The following ADGRG1 variants were observed in gnomAD, a reference collection of about 807,000 sequenced individuals.
ADGRG1 encodes adhesion G protein-coupled receptor G1.
Under a neutral mutation model 73.5 loss-of-function variants are expected in ADGRG1, and 53 were observed. The observed-to-expected ratio is 0.72, with a 90% CI of 0.58 to 0.91. The LOEUF (loss-of-function observed/expected upper bound fraction) is 0.91, where lower values mean the gene tolerates loss of function less well. Ranked by LOEUF, ADGRG1 falls within the 40% of genes least tolerant of loss-of-function variation. The pLI, the probability that ADGRG1 is intolerant of heterozygous loss-of-function variation, is 0.00. For synonymous variants in ADGRG1, 394 were observed against 374.4 expected (o/e 1.05, Z -0.60); for missense variants, 795 against 871.8 (o/e 0.91, Z 1.11).
intron 1 of ADGRG1, chr16:57,632,766 C>T (rs1597128787): frequency 1.0e-6 from 1 of 984,968 alleles, no homozygotes; most frequent in Non-Finnish European, 1.2e-6. Context: ...AAGCTCAGCC[C>T]CGGAGGAGCT....
chr16:57,633,141 T>C (rs2038439500), intron 1 of ADGRG1: 1 of 340,256 alleles, frequency 2.9e-6, no homozygotes, highest in African/African-American at 2.2e-5. Flanking sequence ...CTGGACCCGT[T>C]TCCCTGCCTG....
In ADGRG1 at chr16:57,660,385, G is replaced by A. The variant is rs145348746; in HGVS notation, c.1556-383G>A. On this transcript the variant is annotated intron_variant, in intron 11 of 13. Coordinates refer to ENST00000562631, the MANE Select transcript of ADGRG1 (RefSeq NM_201525.4). ...CTCTAGGGAGCTTCTAATCTCCACC[G>A]AACGGGCGAGGTCAAGGCCCAGTGC... is the stretch of plus-strand genomic sequence containing the variant. 43 of 984,988 alleles carry A rather than the reference G, an allele frequency of 4.4e-5. 1 individual carries two copies. The East Asian group carries it at 3.5e-3, about 81-fold the overall frequency. The allele number at this position is 984,988 out of a possible 1,614,324, so 61.0% of individuals were successfully genotyped here.
intron 1 of ADGRG1, chr16:57,635,285 C>T (rs562561087): frequency 1.0e-6 from 1 of 985,236 alleles, no homozygotes; most frequent in East Asian, 1.1e-4. Context: ...TTATCCTATG[C>T]CATGGCTGTC....
chr16:57,652,764 C>T (rs2044416362), intron 3 of ADGRG1: 1 of 1,055,458 alleles, frequency 9.5e-7, no homozygotes. Flanking sequence ...CTGGAGACAC[C>T]TTAGTCGGCC....
chr16:57,630,976 G>A (rs2037707542), intron 1 of ADGRG1: 2 of 985,788 alleles, frequency 2.0e-6, no homozygotes, highest in South Asian at 4.7e-5. Context: ...TCTGTGGGGG[G>A]GAAGAGAGGC....
chr16:57,663,452 G>T lies in ADGRG1; in HGVS notation c.1934G>T (p.Gly645Val), dbSNP rs771685769. ...GACCCCGTGCCCTCACTGCCCGCAG[G>T]CTTCCTCATCTTCATCTGGTACTGG... ...YLFSIITSFQ[G>V]FLIFIWYWSM... The change falls in exon 14 of 14, where the codon GGC becomes GTC. Residue 645 changes from glycine (G) to valine (V), a missense_variant and splice_region_variant. Gly to Val is a moderately radical substitution (Grantham distance 109, BLOSUM62 -3). Coordinates refer to ENST00000562631, the MANE Select transcript of ADGRG1 (RefSeq NM_201525.4). The T allele has an allele frequency of 6.2e-7, 1 of 1,613,978 alleles. No individual in the cohort carries two copies. The highest frequency in any genetic ancestry group is 8.5e-7 in the Non-Finnish European group (1 of 1,179,972).
chr16:57,651,866 G>A, intron 3 of ADGRG1: 3 of 1,434,508 alleles, frequency 2.1e-6, no homozygotes, highest in Non-Finnish European at 2.7e-6. Flanking sequence ...GCAGGCAGGG[G>A]TGAGGATGGA....
At chr16:57,662,880 G>A in intron 13 of ADGRG1, 2 of 975,354 alleles carry the variant, frequency 2.1e-6, no homozygotes, top group South Asian at 4.7e-5. Flanking sequence ...GCTCTCATGG[G>A]GTTCAAGGCC....
At chr16:57,657,587 ATGACCTGGAACTG>A (rs2046056722) in intron 10 of ADGRG1, 96 bp downstream of exon 10, 1 of 952,556 alleles carries the variant, frequency 1.0e-6, no homozygotes, top group Non-Finnish European at 1.7e-6. Context: ...GCCCGCCCGC[ATGACCTGGAACTG>A]TGTGTGTGGT....
upstream of ADGRG1, chr16:57,626,729 G>C: frequency 1.0e-6 from 1 of 985,426 alleles, no homozygotes; most frequent in Middle Eastern, 5.2e-4. Flanking sequence ...TGTGGTGGTG[G>C]TGGTGGGGGG....
chr16:57,628,115 C>A, upstream of ADGRG1: 6 of 967,114 alleles, frequency 6.2e-6, no homozygotes, highest in Non-Finnish European at 7.3e-6. Flanking sequence ...CCTGGCTGGC[C>A]TCCTGCCCGG....
At chr16:57,659,341 C>G (rs2148526642) in intron 10 of ADGRG1, 72 bp from the exon 11 acceptor site, 1 of 1,609,478 alleles carries the variant, frequency 6.2e-7, no homozygotes, top group East Asian at 2.2e-5. Flanking sequence ...GGAAGGCTTC[C>G]TGGAGGAGAT....
At position 57,653,213 on chromosome 16, in the gene ADGRG1, CACGGCCGCTCACA is replaced by C; in HGVS notation, c.500_512del (p.Thr167MetfsTer20). The C allele has an allele frequency of 6.2e-7, 1 of 1,609,476 alleles. No individual in the cohort carries two copies. Among genetic ancestry groups the C allele is most frequent in the Middle Eastern group, 1.7e-4 (1 of 6,042 alleles). ...CCACCCCTCCCCCAGGTCCTCCCCACACGGCCGCTCACAATGCCTCGGTGGACATGTGCGAGCT... is the reference window on the plus strand; with the variant it reads ...CCACCCCTCCCCCAGGTCCTCCCCACATGCCTCGGTGGACATGTGCGAGCT... On this transcript the variant is annotated frameshift_variant, in exon 4 of 14. Transcript: ENST00000562631. LOFTEE classifies it high-confidence loss of function.
chr16:57,644,228 G>A (rs996848928), intron 1 of ADGRG1: 3 of 976,724 alleles, frequency 3.1e-6, no homozygotes, highest in African/African-American at 1.8e-5. Context: ...ACGCACTCAT[G>A]CACACACACT....
chr16:57,636,141 C>A (rs2039309797), intron 1 of ADGRG1: 1 of 985,216 alleles, frequency 1.0e-6, no homozygotes, highest in East Asian at 1.1e-4. Context: ...GGGAACGGGA[C>A]CCACTTTTCT....
At chr16:57,659,963 C>T (rs1336977193) in intron 11 of ADGRG1, among the ~76,000 whole-genome samples, 2 of 152,234 alleles carry the variant, frequency 1.3e-5, no homozygotes, top group African/African-American at 2.4e-5. Flanking sequence ...AGGTTGTGCA[C>T]TGCTCAAAGG....
At chr16:57,639,475 C>T (rs1382687988) in intron 1 of ADGRG1, 1 of 985,320 alleles carries the variant, frequency 1.0e-6, no homozygotes, top group Non-Finnish European at 1.2e-6. Context: ...CTGGCTGTCC[C>T]CTTTGTTTGA....
chr16:57,627,215 G>C (rs16958406), upstream of ADGRG1: 4 of 361,792 alleles, frequency 1.1e-5, no homozygotes, highest in African/African-American at 2.2e-5. Context: ...TAGGCTGCCC[G>C]AGACGTTCCA....
intron 1 of ADGRG1, chr16:57,646,012 C>G (rs1172911862): frequency 6.6e-6 from 1 of 152,212 alleles, no homozygotes; most frequent in African/African-American, 2.4e-5. Context: ...GGGTGGGATG[C>G]CTGTGCTCGG....
Sources: gnomAD v4.1 joint callset for allele counts (sites outside exome capture counted in the v4.1 genomes callset) on GRCh38, gnomAD v4.1.1 for gene constraint, MANE v1.5 for transcripts, NCBI Gene and HGNC (gene_info 2026-07-23, HGNC 2026-07-21) for gene names.